USP9X: variants seen among roughly 807,000 people sequenced by gnomAD.
USP9X encodes ubiquitin specific peptidase 9 X-linked, also known as ubiquitin carboxyl-terminal hydrolase 9X.
Under a neutral mutation model 190.3 loss-of-function variants are expected in USP9X, and 7 were observed. The observed-to-expected ratio is 0.04, with a 90% CI of 0.02 to 0.07. USP9X has a LOEUF of 0.07. Among genes scored for constraint, USP9X ranks in the 10% least tolerant of loss-of-function variants. The pLI is 1.00. For missense variants in USP9X, 1,010 were observed against 1,916.9 expected (o/e 0.53, Z 8.83); for synonymous variants, 645 against 659.5 (o/e 0.98, Z 0.34).
intron 1 of USP9X, among the ~76,000 whole-genome samples, chrX:41,087,910 G>A (rs1195153401): frequency 8.9e-6 from 1 of 112,173 alleles, no homozygotes; most frequent in Non-Finnish European, 1.9e-5. Context: ...AGTTACTTCA[G>A]GAAGGAACAT....
chrX:41,154,642 T>C (rs1256130535), intron 14 of USP9X, among the ~76,000 whole-genome samples: 9 of 111,746 alleles, frequency 8.1e-5, no homozygotes, highest in African/African-American at 2.6e-4. Context: ...TTCCTCCTTA[T>C]GTTGTCTGTA....
chrX:41,205,292 T>C lies in USP9X; in HGVS notation c.4825-11T>C. Reference sequence around the variant, plus strand: ...TACTTTAGCTCATTGGTGACATTTTTTGGTTTCTAGAGCAATGTTGATCCC... The same window carrying C: ...TACTTTAGCTCATTGGTGACATTTTCTGGTTTCTAGAGCAATGTTGATCCC... On this transcript the variant is annotated splice_polypyrimidine_tract_variant and intron_variant, in intron 31 of 44. Transcript: ENST00000378308. 1 of 1,147,640 alleles carries C rather than the reference T, an allele frequency of 8.7e-7. No individual in the cohort carries two copies. Among genetic ancestry groups the C allele is most frequent in the Non-Finnish European group, 1.2e-6 (1 of 864,163 alleles). 94.6% of individuals were successfully genotyped at this position (1,147,640 alleles called of 1,213,427 possible).
At position 41,235,449 on chromosome X, in the gene USP9X, G is replaced by A. The variant is rs764461898; in HGVS notation, c.*2925G>A. ...TATATTTCCTATTTTAAATGTTTGCGGAATCGCCAGTCTTCCTTTGAAAGA... is the reference window on the plus strand; with the variant it reads ...TATATTTCCTATTTTAAATGTTTGCAGAATCGCCAGTCTTCCTTTGAAAGA... On this transcript the variant is annotated 3_prime_UTR_variant, in exon 45 of 45. Coordinates refer to ENST00000378308, the MANE Select transcript of USP9X (RefSeq NM_001039591.3). The A allele has an allele frequency of 3.6e-5, 4 of 112,432 alleles. No individual in the cohort carries two copies. Among genetic ancestry groups the A allele is most frequent in the South Asian group, 3.6e-4 (1 of 2,748 alleles). 9.3% of individuals were successfully genotyped at this position (112,432 alleles called of 1,213,427 possible). A position where few individuals can be genotyped will look rare whatever the true frequency, so the allele number is the denominator to read the frequency against.
intron 1 of USP9X, among the ~76,000 whole-genome samples, chrX:41,104,575 C>A (rs182735698): frequency 8.2e-4 from 91 of 111,164 alleles, no homozygotes; most frequent in South Asian, 1.9e-3. Context: ...AATAATTTTC[C>A]TCTGGGCTGG....
chrX:41,108,606 A>T (rs1162216655), intron 1 of USP9X, among the ~76,000 whole-genome samples: 1 of 111,516 alleles, frequency 9.0e-6, no homozygotes, highest in Non-Finnish European at 1.9e-5. Context: ...ACACACCCTC[A>T]GGCAGCATAT....
In USP9X at chrX:41,216,619, A is replaced by T. The variant is rs1343436173; in HGVS notation, c.6052A>T (p.Thr2018Ser). The T allele has an allele frequency of 8.3e-7, 1 of 1,208,926 alleles. No homozygotes were observed. Among genetic ancestry groups the T allele is most frequent in the East Asian group, 3.0e-5 (1 of 33,782 alleles). The change falls in exon 35 of 45, where the codon ACA becomes TCA. Residue 2018 changes from threonine to serine, a missense_variant. Around this residue, in one of 11 missense-constraint regions of USP9X, gnomAD observed 121 missense variants for 281.2 expected, o/e 0.43. Transcript: ENST00000378308. ...TTTTCAGTTTATGAAAAAACTGCTT[A>T]CATGTAATGGCGTTTACTTAAACCC... ...EYFQFMKKLL[T>S]CNGVYLNPPP...
At position 41,162,930 on chromosome X, in the gene USP9X, A is replaced by G. The variant is rs1601987475; in HGVS notation, c.1985+53A>G. On this transcript the variant is annotated intron_variant, in intron 15 of 44. Transcript: ENST00000378308. Reference sequence around the variant, plus strand: ...TCTTTAAGAAAAAGATAAGGAATACAGAATGAATAGACTGTATAGCTTGGT... The same window carrying G: ...TCTTTAAGAAAAAGATAAGGAATACGGAATGAATAGACTGTATAGCTTGGT... 4 of 1,013,740 alleles carry G rather than the reference A, an allele frequency of 3.9e-6. No individual in the cohort carries two copies. The South Asian group carries it at 7.5e-5, about 19-fold the overall frequency. 83.5% of individuals were successfully genotyped at this position (1,013,740 alleles called of 1,213,427 possible). A position where few individuals can be genotyped will look rare whatever the true frequency, so the allele number is the denominator to read the frequency against.
intron 32 of USP9X, among the ~76,000 whole-genome samples, chrX:41,206,452 C>G (rs1352894330): frequency 8.9e-6 from 1 of 111,984 alleles, no homozygotes; most frequent in Non-Finnish European, 1.9e-5. Context: ...GATTATTCAT[C>G]TGTTTCTTTT....
chrX:41,180,145 C>T (rs1476106851), intron 21 of USP9X, among the ~76,000 whole-genome samples: 1 of 112,255 alleles, frequency 8.9e-6, no homozygotes, highest in African/African-American at 3.2e-5. Context: ...TGTTGGGCTT[C>T]TCATCTTGCT....
intron 41 of USP9X, 77 bp from the exon 42 acceptor site, chrX:41,229,176 T>G (rs2063340552): frequency 1.4e-6 from 1 of 732,504 alleles, no homozygotes; most frequent in African/African-American, 2.2e-5. Flanking sequence ...CATTATTGAG[T>G]GGCACATAGT....
chrX:41,170,695 G>A (rs1304087208), intron 20 of USP9X, 76 bp downstream of exon 20: 1 of 1,008,959 alleles, frequency 9.9e-7, no homozygotes, highest in African/African-American at 1.9e-5. Flanking sequence ...ATATAGAGTG[G>A]TTCTTTCTTT....
At position 41,165,939 on chromosome X, in the gene USP9X, G is replaced by A; in HGVS notation, c.2053G>A (p.Ala685Thr). The change falls in exon 16 of 45, where the codon GCT becomes ACT. Residue 685 changes from alanine (A) to threonine (T), a missense_variant. Ala to Thr is a moderately conservative substitution (Grantham distance 58, BLOSUM62 0). This residue lies in a region of USP9X where 104 missense variants were observed against 239.8 expected (regional missense o/e 0.43). Coordinates refer to ENST00000378308, the MANE Select transcript of USP9X (RefSeq NM_001039591.3). ...GGCAAAACAAATATGGAAATGCTTA[G>A]CTGAGAATGCAGTTTACCTTTGTGA... is the stretch of plus-strand genomic sequence containing the variant. ...PQAKQIWKCL[A>T]ENAVYLCDRE... is the part of the protein sequence containing the mutation. The A allele has an allele frequency of 8.3e-7, 1 of 1,211,732 alleles. No individual in the cohort carries two copies. Among genetic ancestry groups the A allele is most frequent in the Non-Finnish European group, 1.1e-6 (1 of 895,512 alleles).
chrX:41,171,282 G>A (rs2062723011), intron 20 of USP9X, among the ~76,000 whole-genome samples: 1 of 111,798 alleles, frequency 8.9e-6, no homozygotes, highest in Admixed American at 9.5e-5. Context: ...GCTGCAGTGA[G>A]CTGCGATTGT....
intron 1 of USP9X, among the ~76,000 whole-genome samples, chrX:41,104,169 C>T (rs939198741): frequency 1.8e-5 from 2 of 111,631 alleles, no homozygotes; most frequent in African/African-American, 6.5e-5. Context: ...CAGGCTTAAG[C>T]CATCCTCCTG....
At chrX:41,096,238 A>T (rs2061990919) in intron 1 of USP9X, among the ~76,000 whole-genome samples, 1 of 112,783 alleles carries the variant, frequency 8.9e-6, no homozygotes, top group Non-Finnish European at 1.9e-5. Context: ...TCCAGAGAGC[A>T]TTAATTGTAG....
intron 21 of USP9X, among the ~76,000 whole-genome samples, chrX:41,183,527 C>A (rs1312686097): frequency 8.9e-6 from 1 of 111,760 alleles, no homozygotes; most frequent in Non-Finnish European, 1.9e-5. Context: ...TAGGCACTTA[C>A]CCTTTTTCGA....
chrX:41,122,083 G>A (rs1163202246), intron 1 of USP9X, among the ~76,000 whole-genome samples: 2 of 110,448 alleles, frequency 1.8e-5, no homozygotes, highest in African/African-American at 6.6e-5. Context: ...AATTTTACCA[G>A]AGGTTTTTGG....
At chrX:41,195,046 C>A (rs745586213) in intron 26 of USP9X, among the ~76,000 whole-genome samples, 79 of 104,686 alleles carry the variant, frequency 7.5e-4, no homozygotes, top group Non-Finnish European at 1.5e-3. Flanking sequence ...TTTTTTCTTT[C>A]TTTTTTTTGG....
chrX:41,096,729 C>G (rs959373983), intron 1 of USP9X, among the ~76,000 whole-genome samples: 1 of 111,889 alleles, frequency 8.9e-6, no homozygotes, highest in East Asian at 2.8e-4. Context: ...CATGAGCCAC[C>G]GCGCCTGGTC....
Sources: allele counts gnomAD v4.1 joint callset (sites outside exome capture counted in the v4.1 genomes callset), GRCh38; gene constraint gnomAD v4.1.1; regional missense constraint gnomAD v4.1.1; transcripts MANE v1.5; gene names NCBI Gene and HGNC (gene_info 2026-07-23, HGNC 2026-07-21).